MRTFB: variants seen among roughly 807,000 people sequenced by gnomAD.
MRTFB encodes the protein myocardin-related transcription factor B.
In MRTFB, 29 loss-of-function variants were observed where a neutral mutation model predicts 104.2. The ratio of observed to expected loss-of-function variants is 0.28; its 90% CI spans 0.21 to 0.38. MRTFB has a LOEUF of 0.38. Ranked by LOEUF, MRTFB falls within the 10% of genes least tolerant of loss-of-function variation. The pLI, the probability that MRTFB is intolerant of heterozygous loss-of-function variation, is 1.00. For missense variants in MRTFB, 1,270 were observed against 1,341.6 expected (o/e 0.95, Z 0.83); for synonymous variants, 535 against 519.5 (o/e 1.03, Z -0.41).
At chr16:14,227,770 A>G (rs932608615) in intron 8 of MRTFB, among the ~76,000 whole-genome samples, 1 of 152,126 alleles carries the variant, frequency 6.6e-6, no homozygotes, top group Non-Finnish European at 1.5e-5. Context: ...TTGGCCTCCC[A>G]AAGTGCTGGG....
At chr16:14,015,376 A>C in the MRTFB span, among the ~76,000 whole-genome samples, 1 of 152,174 alleles carries the variant, frequency 6.6e-6, no homozygotes, top group Non-Finnish European at 1.5e-5. Context: ...TGTGCTGTTA[A>C]GTCCTACCTC....
At chr16:14,034,420 T>C in the MRTFB span, among the ~76,000 whole-genome samples, 14 of 152,018 alleles carry the variant, frequency 9.2e-5, no homozygotes, top group African/African-American at 3.4e-4. Context: ...TCAAGACCAG[T>C]GTGGCCAACA....
Position 14,264,526 on chromosome 16 carries a change from T to C in MRTFB, c.*3082T>C, listed in dbSNP as rs1010034031. The C allele has an allele frequency of 6.6e-6, 1 of 152,276 alleles. No homozygotes were observed. The highest frequency in any genetic ancestry group is 6.5e-5 in the Admixed American group (1 of 15,292). 9.4% of individuals were successfully genotyped at this position (152,276 alleles called of 1,614,324 possible). A position where few individuals can be genotyped will look rare whatever the true frequency, so the allele number is the denominator to read the frequency against. ...ACTGTATAGTATTGCCACATAATTG[T>C]ACATAGATGTATTCTGAATTTGTGG... On this transcript the variant is annotated 3_prime_UTR_variant, in exon 17 of 17. Transcript: ENST00000571589.
At chr16:14,221,399 G>A (rs2041696664) in intron 8 of MRTFB, among the ~76,000 whole-genome samples, 1 of 152,190 alleles carries the variant, frequency 6.6e-6, no homozygotes, top group African/African-American at 2.4e-5. Context: ...AGTTCCTAGA[G>A]GACAGGGATT....
At chr16:14,137,741 G>A (rs1229013950) in intron 2 of MRTFB, among the ~76,000 whole-genome samples, 1 of 152,032 alleles carries the variant, frequency 6.6e-6, no homozygotes, top group African/African-American at 2.4e-5. Context: ...ATTCCTGTTT[G>A]CATGACCCGT....
the MRTFB span, among the ~76,000 whole-genome samples, chr16:14,016,424 C>A: frequency 1.6e-4 from 24 of 151,992 alleles, no homozygotes; most frequent in Non-Finnish European, 2.5e-4. Context: ...AGATAACCCT[C>A]CATCAGTAAC....
intron 8 of MRTFB, among the ~76,000 whole-genome samples, chr16:14,233,052 CAATAA>C (rs2042336197): frequency 6.6e-6 from 1 of 152,066 alleles, no homozygotes; most frequent in African/African-American, 2.4e-5. Context: ...TTGTTCTTTA[CAATAA>C]AATACTTAAA....
intron 2 of MRTFB, among the ~76,000 whole-genome samples, chr16:14,113,160 C>T (rs2036363266): frequency 1.3e-5 from 2 of 152,194 alleles, no homozygotes; most frequent in Non-Finnish European, 2.9e-5. Context: ...TCTCTCACCT[C>T]AACCTCCCAA....
chr16:14,061,232 G>T, the MRTFB span, among the ~76,000 whole-genome samples: 1 of 152,234 alleles, frequency 6.6e-6, no homozygotes, highest in Non-Finnish European at 1.5e-5. Context: ...TCTCAACAGA[G>T]CCAGCGCCAT....
rs570760077 is a variant in MRTFB, at chr16:14,177,405, A to G, written c.155-32838A>G. Among the ~76,000 whole-genome samples the G allele has an allele frequency of 1.3e-5, 2 of 152,340 alleles. No individual in the cohort carries two copies. The highest frequency in any genetic ancestry group is 4.8e-5 in the African/African-American group (2 of 41,584). ...CCAGAGCTGGACCAACCTGAGGTCT[A>G]GGCTAACCCATTACTCCCTGTTGAG... On this transcript the variant is annotated intron_variant, in intron 3 of 16. Transcript: ENST00000571589. This position sits in a 1 kb window ranked among gnomAD's most constrained non-coding sequence, Gnocchi z 4.7.
intron 2 of MRTFB, among the ~76,000 whole-genome samples, chr16:14,093,392 T>G (rs759671625): frequency 7.2e-5 from 11 of 152,196 alleles, no homozygotes; most frequent in South Asian, 2.1e-4. Context: ...GATTCCTTTT[T>G]TTAAATTTGC....
chr16:14,200,876 G>T, intron 3 of MRTFB: 1 of 1,459,090 alleles, frequency 6.9e-7, no homozygotes, highest in Non-Finnish European at 9.6e-7. Flanking sequence ...TACCTCAGGT[G>T]TAAGGTGGGC....
chr16:14,035,430 C>T, the MRTFB span, among the ~76,000 whole-genome samples: 3 of 152,172 alleles, frequency 2.0e-5, no homozygotes, highest in East Asian at 5.8e-4. Flanking sequence ...GCAATTTATC[C>T]GGCCTTGGTG....
Position 14,261,673 on chromosome 16 carries a change from T to C in MRTFB, c.*229T>C. 2.1e-6 allele frequency: 1 copy of C among 465,472 alleles called. No homozygotes were observed. The allele number at this position is 465,472 out of a possible 1,614,324, so 28.8% of individuals were successfully genotyped here. On this transcript the variant is annotated 3_prime_UTR_variant, in exon 17 of 17. Transcript: ENST00000571589. Reference sequence around the variant, plus strand: ...GCACAGGGCCTTCTGAAAATCGCACTTGTCAAAGACGACTCATCTATTTCT... The same window carrying C: ...GCACAGGGCCTTCTGAAAATCGCACCTGTCAAAGACGACTCATCTATTTCT...
chr16:14,222,547 A>C (rs1422975178), intron 8 of MRTFB, among the ~76,000 whole-genome samples: 1 of 147,248 alleles, frequency 6.8e-6, no homozygotes, highest in East Asian at 2.0e-4. Flanking sequence ...TGGCTTAAAC[A>C]CATTTTTCTA....
chr16:14,127,920 TA>T lies in MRTFB; in HGVS notation c.-63-12623del, dbSNP rs1567355737. Among the ~76,000 whole-genome samples, 109 of 42,692 alleles carry T rather than the reference TA, an allele frequency of 2.6e-3. No individual in the cohort carries two copies. The African/African-American group carries it at 0.03, about 12-fold the overall frequency. 28.0% of individuals were successfully genotyped at this position (42,692 alleles called of 152,430 possible). On this transcript the variant is annotated intron_variant, in intron 2 of 16. Coordinates refer to ENST00000571589, the MANE Select transcript of MRTFB (RefSeq NM_001308142.2). ...AACTGAATATATATATATATATATA[TA>T]TATATATATTTTTTTTTTTTTTTTT...
chr16:14,085,321 G>A (rs968168174), intron 2 of MRTFB, among the ~76,000 whole-genome samples: 5 of 151,964 alleles, frequency 3.3e-5, no homozygotes, highest in South Asian at 2.1e-4. Context: ...GCCAGGTGTG[G>A]TGGCGGGCGC....
intron 8 of MRTFB, among the ~76,000 whole-genome samples, chr16:14,233,781 CAAAAAAAAAA>C (rs1007606658): frequency 2.0e-5 from 1 of 49,994 alleles, no homozygotes; most frequent in Non-Finnish European, 4.2e-5. Context: ...GACTCCCTCT[CAAAAAAAAAA>C]AAAAAAAAAA....
In MRTFB at chr16:14,261,464, G is replaced by A. The variant is rs1200623769; in HGVS notation, c.*20G>A. ...GACTAACGTCACAGATTTCTTTTCT[G>A]AGAGTTGATGAGGTTTAAGAACATG... On this transcript the variant is annotated 3_prime_UTR_variant, in exon 17 of 17. Transcript: ENST00000571589. 3 of 1,563,502 alleles carry A rather than the reference G, an allele frequency of 1.9e-6. No homozygotes were observed. In the African/African-American group the frequency reaches 4.1e-5, roughly 21 times the overall value.
Sources: allele counts gnomAD v4.1 joint callset (sites outside exome capture counted in the v4.1 genomes callset), GRCh38; gene constraint gnomAD v4.1.1; non-coding constraint Gnocchi (gnomAD v3.1); transcripts MANE v1.5; gene names NCBI Gene and HGNC (gene_info 2026-07-23, HGNC 2026-07-21).